SORCS2: variants seen among roughly 807,000 people sequenced by gnomAD.
The protein encoded by SORCS2 is VPS10 domain-containing receptor SorCS2.
A neutral mutation model predicts 141.6 loss-of-function variants in SORCS2; 100 were observed. The ratio of observed to expected loss-of-function variants is 0.71; its 90% confidence interval spans 0.60 to 0.83. The LOEUF is 0.83. Ranked by LOEUF, SORCS2 falls within the 40% of genes least tolerant of loss-of-function variation. The probability of loss-of-function intolerance (pLI) is 0.00; values close to 1 mark genes in which losing one functional copy is unlikely to be tolerated. For synonymous variants in SORCS2, 789 were observed against 676.9 expected (o/e 1.17, Z -2.57); for missense variants, 1,646 against 1,560.2 (o/e 1.05, Z -0.93).
chr4:7,707,064 C>G (rs1439394250), intron 14 of SORCS2, among the ~76,000 whole-genome samples: 1 of 152,238 alleles, frequency 6.6e-6, no homozygotes, highest in Non-Finnish European at 1.5e-5. Context: ...GTGGCCAAGT[C>G]CAGCCCATGT....
At chr4:7,485,520 G>A (rs1318903189) in intron 2 of SORCS2, among the ~76,000 whole-genome samples, 3 of 152,256 alleles carry the variant, frequency 2.0e-5, no homozygotes, top group Non-Finnish European at 4.4e-5. Context: ...CCCATGGGAA[G>A]CCATCTCCTC....
intron 1 of SORCS2, among the ~76,000 whole-genome samples, chr4:7,380,385 T>G (rs1338191354): frequency 6.6e-6 from 1 of 152,224 alleles, no homozygotes; most frequent in Admixed American, 6.5e-5. Context: ...CATGTTGGAA[T>G]TGCACTGGAC....
chr4:7,582,782 A>G (rs1560403779), intron 3 of SORCS2, among the ~76,000 whole-genome samples: 1 of 152,126 alleles, frequency 6.6e-6, no homozygotes, highest in Non-Finnish European at 1.5e-5. Flanking sequence ...CCCTATTTGA[A>G]TGCCTCCTTC....
chr4:7,388,486 C>T (rs555074181), intron 1 of SORCS2, among the ~76,000 whole-genome samples: 15 of 152,196 alleles, frequency 9.9e-5, no homozygotes, highest in African/African-American at 2.2e-4. Context: ...CAAATGGTTC[C>T]AAATGTCATG....
intron 5 of SORCS2, 43 bp downstream of exon 5, chr4:7,654,250 C>G: frequency 6.5e-7 from 1 of 1,544,602 alleles, no homozygotes; most frequent in African/African-American, 1.4e-5. Flanking sequence ...GCCCGCAGCT[C>G]TGGTGAGAGC....
intron 4 of SORCS2, among the ~76,000 whole-genome samples, chr4:7,645,225 G>T (rs1267323894): frequency 6.6e-6 from 1 of 152,176 alleles, no homozygotes; most frequent in Non-Finnish European, 1.5e-5. Context: ...TGCCTGGCCT[G>T]AGTCACTCGG....
chr4:7,539,683 C>CCCGTTATGGAGGCCCCGCCCA (rs1577717478), intron 3 of SORCS2, among the ~76,000 whole-genome samples: 1 of 152,150 alleles, frequency 6.6e-6, no homozygotes, highest in South Asian at 2.1e-4. Context: ...GGCCCCGACC[C>CCCGTTATGGAGGCCCCGCCCA]CCGTTATGGA....
At chr4:7,331,903 G>A (rs1308716369) in intron 1 of SORCS2, among the ~76,000 whole-genome samples, 1 of 152,188 alleles carries the variant, frequency 6.6e-6, no homozygotes, top group Admixed American at 6.5e-5. Context: ...GATGTCGCAG[G>A]CATTCCTACA....
chr4:7,553,213 TGGGTGGTG>T (rs1713849117), intron 3 of SORCS2, among the ~76,000 whole-genome samples: 1 of 151,322 alleles, frequency 6.6e-6, no homozygotes, highest in Non-Finnish European at 1.5e-5. Flanking sequence ...CACAGATGTG[TGGGTGGTG>T]GGGTGGTCAG....
chr4:7,736,433 C>G (rs77640827), intron 25 of SORCS2, among the ~76,000 whole-genome samples: 316 of 152,350 alleles, frequency 2.1e-3, no homozygotes, highest in Middle Eastern at 6.8e-3. Context: ...CTGAGAAAGC[C>G]CCCCTCTCCC....
At chr4:7,416,513 C>T (rs924942984) in intron 2 of SORCS2, among the ~76,000 whole-genome samples, 3 of 151,228 alleles carry the variant, frequency 2.0e-5, no homozygotes, top group African/African-American at 7.4e-5. Context: ...CACGCTTCCT[C>T]CTCCATACTG....
At chr4:7,652,462 T>C (rs1243572694) in intron 4 of SORCS2, among the ~76,000 whole-genome samples, 3 of 151,930 alleles carry the variant, frequency 2.0e-5, no homozygotes, top group African/African-American at 4.8e-5. Flanking sequence ...CCTGGCTCCA[T>C]TCATTCCTCC....
Position 7,501,193 on chromosome 4 carries a change from C to T in SORCS2, c.549-30337C>T, listed in dbSNP as rs770637988. Among the ~76,000 whole-genome samples, 41 of 152,222 alleles carry T rather than the reference C, an allele frequency of 2.7e-4. 1 individual carries two copies. The highest frequency in any genetic ancestry group is 4.3e-4 in the Non-Finnish European group (29 of 68,038). On this transcript the variant is annotated intron_variant, in intron 2 of 26. Transcript: ENST00000507866. ...GACACTGTCCCCATCCCTGCAGTGT[C>T]CGCCCCACAGCCCTGCTCCCGTCAC... is the stretch of plus-strand genomic sequence containing the variant.
intron 1 of SORCS2, among the ~76,000 whole-genome samples, chr4:7,219,165 C>T (rs376522873): frequency 6.7e-6 from 1 of 150,190 alleles, no homozygotes; most frequent in African/African-American, 2.5e-5. Flanking sequence ...ATCTTTTTGT[C>T]TATGCTGTGT....
rs967054713 is a variant in SORCS2 at position 7,328,955 on chromosome 4, C to T, written c.481-67333C>T. On this transcript the variant is annotated intron_variant, in intron 1 of 26. Coordinates refer to ENST00000507866, the MANE Select transcript of SORCS2 (RefSeq NM_020777.3). The stretch of plus-strand genomic sequence containing the variant: ...TGAGTCCCAAGCACCCTCCGCAGAC[C>T]GCTCTTGGCTGACAACGGCTGGTCA... Among the ~76,000 whole-genome samples, 11 of 152,220 alleles carry T rather than the reference C, an allele frequency of 7.2e-5. No individual in the cohort carries two copies. The East Asian group carries it at 9.6e-4, about 13-fold the overall frequency.
rs559999835 is a variant in SORCS2 at position 7,724,367 on chromosome 4, T to G, written c.2611+484T>G. On this transcript the variant is annotated intron_variant, in intron 19 of 26. Coordinates refer to ENST00000507866, the MANE Select transcript of SORCS2 (RefSeq NM_020777.3). ...ATGGTAACAGTAGTGGTAGTAATGG[T>G]GATGATGGTGGTGATAGGGTGTTGG... 1.4e-4 allele frequency among the ~76,000 whole-genome samples: 20 copies of G among 142,266 alleles called. No homozygotes were observed. The South Asian group carries it at 1.6e-3, about 12-fold the overall frequency. The allele number at this position is 142,266 out of a possible 152,430, so 93.3% of individuals were successfully genotyped here. A position where few individuals can be genotyped will look rare whatever the true frequency, so the allele number is the denominator to read the frequency against.
chr4:7,659,613 G>C (rs762844888), intron 5 of SORCS2, among the ~76,000 whole-genome samples: 4 of 152,358 alleles, frequency 2.6e-5, no homozygotes, highest in African/African-American at 9.6e-5. Flanking sequence ...GACGAGTACT[G>C]CATAAATTCA....
rs1439181415 is a variant in SORCS2, at chr4:7,737,150, G to A, written c.3393G>A (p.Glu1131=). The A allele has an allele frequency of 1.3e-6, 2 of 1,551,408 alleles. No homozygotes were observed. Among genetic ancestry groups the A allele is most frequent in the Middle Eastern group, 3.3e-4 (2 of 5,992 alleles). The part of the protein sequence containing the change: ...QEMTSPVSHS[E]DVQGAVQGNH... ...TGACCAGCCCTGTGAGTCACAGTGAGGACGTCCAGGGCGCTGTCCAGGGTG... is the reference window on the plus strand; with the variant it reads ...TGACCAGCCCTGTGAGTCACAGTGAAGACGTCCAGGGCGCTGTCCAGGGTG... Residue 1131 remains glutamate (E), a synonymous_variant, in exon 26 of 27, where the codon GAG becomes GAA. Transcript: ENST00000507866.
At chr4:7,535,527 T>C (rs1483917473) in intron 3 of SORCS2, among the ~76,000 whole-genome samples, 3 of 152,026 alleles carry the variant, frequency 2.0e-5, no homozygotes, top group African/African-American at 2.4e-5. Context: ...GAAATGGGGG[T>C]AGTAGCAGCA....
Sources: gnomAD v4.1 joint callset for allele counts (sites outside exome capture counted in the v4.1 genomes callset) on GRCh38, gnomAD v4.1.1 for gene constraint, MANE v1.5 for transcripts, NCBI Gene and HGNC (gene_info 2026-07-23, HGNC 2026-07-21) for gene names.